Variants in ASPH observed in about 807,000 individuals in gnomAD.
The protein encoded by ASPH is aspartyl/asparaginyl beta-hydroxylase.
In ASPH, 100 loss-of-function variants were observed where a neutral mutation model predicts 118.4. That is an observed-to-expected ratio of 0.84 (90% CI 0.72 to 1.00). ASPH has a LOEUF of 1.00. Ranked by LOEUF, ASPH falls within the 50% of genes least tolerant of loss-of-function variation. ASPH has a pLI of 0.00. For synonymous variants in ASPH, 315 were observed against 325.6 expected (o/e 0.97, Z 0.35); for missense variants, 920 against 919.5 (o/e 1.00, Z -0.01).
intron 14 of ASPH, among the ~76,000 whole-genome samples, chr8:61,592,526 A>G (rs1327553606): frequency 6.6e-6 from 1 of 152,218 alleles, no homozygotes; most frequent in Non-Finnish European, 1.5e-5. Flanking sequence ...AAGCAGAATC[A>G]CATAAAATAT....
chr8:61,630,442 C>T (rs1855064427), intron 13 of ASPH, among the ~76,000 whole-genome samples: 1 of 152,064 alleles, frequency 6.6e-6, no homozygotes, highest in African/African-American at 2.4e-5. Context: ...AAAATTGTAA[C>T]ATGTGGTAGG....
chr8:61,553,088 A>G lies in ASPH; in HGVS notation c.1569T>C (p.Asp523=). The change falls in exon 20 of 25, where the codon GAT becomes GAC. Residue 523 remains aspartate, a synonymous_variant. Transcript: ENST00000379454. ...EGIESGDPGT[D]DGRFYFHLGD... The stretch of plus-strand genomic sequence containing the variant: ...CCAGGTGGAAATAAAATCTCCCATC[A>G]TCAGTGCCAGGATCTCCGGATTCTA... 2 of 1,613,740 alleles carry G rather than the reference A, an allele frequency of 1.2e-6. No homozygotes were observed. The highest frequency in any genetic ancestry group is 1.1e-5 in the South Asian group (1 of 91,068).
chr8:61,678,815 T>TA (rs1826552895), intron 3 of ASPH, among the ~76,000 whole-genome samples: 1 of 152,134 alleles, frequency 6.6e-6, no homozygotes, highest in African/African-American at 2.4e-5. Context: ...GTTTAAACTT[T>TA]ACCATTAAGC....
chr8:61,646,814 C>T lies in ASPH; in HGVS notation c.555G>A (p.Glu185=), dbSNP rs780047777. 2 of 1,613,876 alleles carry T rather than the reference C, an allele frequency of 1.2e-6. No homozygotes were observed. The highest frequency in any genetic ancestry group is 1.7e-5 in the Admixed American group (1 of 59,986). The change falls in exon 6 of 25, where the codon GAG becomes GAA. Residue 185 remains glutamate, a synonymous_variant. Coordinates refer to ENST00000379454, the MANE Select transcript of ASPH (RefSeq NM_004318.4). ...PTGEPQQEDD[E]FLMATDVDDR... ...CATCTACATCAGTCGCCATAAGAAA[C>T]TCATCATCCTCTTGTTGTGGTTCTC...
At chr8:61,567,003 T>G (rs984928266) in intron 17 of ASPH, among the ~76,000 whole-genome samples, 165 bp downstream of exon 17, 4 of 152,188 alleles carry the variant, frequency 2.6e-5, no homozygotes, top group Admixed American at 2.6e-4. Flanking sequence ...GATTACAATT[T>G]CAGTTTTAGA....
chr8:61,626,683 A>G (rs1852959729), intron 13 of ASPH, among the ~76,000 whole-genome samples: 1 of 151,502 alleles, frequency 6.6e-6, no homozygotes, highest in South Asian at 2.1e-4. Flanking sequence ...TTTAAAATAT[A>G]TTGCTTTAAA....
chr8:61,642,050 G>C (rs1805372951), intron 10 of ASPH, among the ~76,000 whole-genome samples: 1 of 152,172 alleles, frequency 6.6e-6, no homozygotes, highest in African/African-American at 2.4e-5. Context: ...CTACTTCATG[G>C]AGTTCAACAC....
chr8:61,560,659 A>G (rs1829487075), intron 18 of ASPH, among the ~76,000 whole-genome samples: 1 of 152,186 alleles, frequency 6.6e-6, no homozygotes, highest in Admixed American at 6.5e-5. Flanking sequence ...GACTTTCTGC[A>G]TCCTATTATG....
At chr8:61,609,560 C>T (rs1320259564) in intron 14 of ASPH, among the ~76,000 whole-genome samples, 1 of 152,066 alleles carries the variant, frequency 6.6e-6, no homozygotes, top group Non-Finnish European at 1.5e-5. Flanking sequence ...TAAGGAAAGG[C>T]GGTAGACTGG....
chr8:61,619,200 G>T (rs1340960027), intron 13 of ASPH, among the ~76,000 whole-genome samples, 181 bp from the exon 14 acceptor site: 1 of 152,126 alleles, frequency 6.6e-6, no homozygotes, highest in Admixed American at 6.6e-5. Context: ...AAAAGATCAA[G>T]ATTTGGGCAT....
chr8:61,564,852 G>T (rs73263194), intron 17 of ASPH, among the ~76,000 whole-genome samples: 2,345 of 152,204 alleles, frequency 0.015, 59 homozygotes, highest in African/African-American at 0.054. Flanking sequence ...GGTCCATTGG[G>T]CCTTGACTCT....
In ASPH at chr8:61,664,699, T is replaced by C. The variant is rs1014503113; in HGVS notation, c.323-11039A>G. ...GAGGGAAAAGGGGAAGGAGAACCCA[T>C]GAAAAGCCTGAGGAACGGCCCCCTG... On this transcript the variant is annotated intron_variant, in intron 3 of 24. Transcript: ENST00000379454. The C allele has an allele frequency of 1.0e-5, 10 of 984,848 alleles. No individual in the cohort carries two copies. In the African/African-American group the frequency reaches 1.4e-4, roughly 14 times the overall value. 61.0% of individuals were successfully genotyped at this position (984,848 alleles called of 1,614,324 possible). A position where few individuals can be genotyped will look rare whatever the true frequency, so the allele number is the denominator to read the frequency against.
At chr8:61,586,726 T>G (rs994607079) in intron 14 of ASPH, among the ~76,000 whole-genome samples, 4 of 152,252 alleles carry the variant, frequency 2.6e-5, no homozygotes, top group African/African-American at 9.6e-5. Context: ...AGTGGATACT[T>G]ATTTCGTGTT....
rs201406187 is a variant in ASPH at position 61,665,555 on chromosome 8, G to A, written c.323-11895C>T. 6.9e-6 allele frequency: 11 copies of A among 1,590,438 alleles called. No homozygotes were observed. The Admixed American group carries it at 1.6e-4, about 23-fold the overall frequency. On this transcript the variant is annotated intron_variant, in intron 3 of 24. Transcript: ENST00000379454. ...CTCTTCATTCTTACTTTCCTTCCTT[G>A]ACTCAGGTTTCTCTTTCTCCTTCTT...
At chr8:61,570,416 C>G (rs1833127971) in intron 16 of ASPH, among the ~76,000 whole-genome samples, 1 of 152,110 alleles carries the variant, frequency 6.6e-6, no homozygotes, top group Non-Finnish European at 1.5e-5. Context: ...AACTGGAGGT[C>G]TCTGTAGCAT....
rs75791789 is a variant in ASPH at position 61,620,399 on chromosome 8, G to A, written c.935-1380C>T. ...TACCTTTCTTCAAAGAGAAGTGCCAGTCTTGACTTTTGCAAAGAGTTGATT... is the reference window on the plus strand; with the variant it reads ...TACCTTTCTTCAAAGAGAAGTGCCAATCTTGACTTTTGCAAAGAGTTGATT... On this transcript the variant is annotated intron_variant, in intron 13 of 24. Coordinates refer to ENST00000379454, the MANE Select transcript of ASPH (RefSeq NM_004318.4). Among the ~76,000 whole-genome samples the A allele has an allele frequency of 2.2e-3, 244 of 110,680 alleles. 1 individual carries two copies. Among genetic ancestry groups the A allele is most frequent in the African/African-American group, 8.6e-3 (231 of 26,912 alleles). 72.6% of individuals were successfully genotyped at this position (110,680 alleles called of 152,430 possible).
intron 14 of ASPH, among the ~76,000 whole-genome samples, chr8:61,609,112 G>A (rs1274174728): frequency 6.6e-6 from 1 of 152,190 alleles, no homozygotes; most frequent in Non-Finnish European, 1.5e-5. Context: ...CACCACGAGT[G>A]CGGCTGCTCT....
At chr8:61,643,260 C>A in intron 9 of ASPH, 126 bp downstream of exon 9, 2 of 891,174 alleles carry the variant, frequency 2.2e-6, no homozygotes, top group East Asian at 2.7e-5. Flanking sequence ...AAAACAAAAT[C>A]TCATGCATTA....
chr8:61,676,331 T>C lies in ASPH; in HGVS notation c.322+4637A>G, dbSNP rs1328541657. 6 of 1,569,060 alleles carry C rather than the reference T, an allele frequency of 3.8e-6. No individual in the cohort carries two copies. In the East Asian group the frequency reaches 1.4e-4, roughly 36 times the overall value. ...ATCTTTGGTCAGGCCTACATAAGAA[T>C]AAAGGAAGAGAGAGAGAAAATAAGG... On this transcript the variant is annotated intron_variant, in intron 3 of 24. Coordinates refer to ENST00000379454, the MANE Select transcript of ASPH (RefSeq NM_004318.4).
Sources: gnomAD v4.1 joint callset for allele counts (sites outside exome capture counted in the v4.1 genomes callset) on GRCh38, gnomAD v4.1.1 for gene constraint, MANE v1.5 for transcripts, NCBI Gene and HGNC (gene_info 2026-07-23, HGNC 2026-07-21) for gene names.